The following RERE variants were observed in gnomAD, a reference collection of about 807,000 sequenced individuals.
The protein encoded by RERE is arginine-glutamic acid dipeptide repeats.
In RERE, 40 loss-of-function variants were observed where a neutral mutation model predicts 146.1. The ratio of observed to expected loss-of-function variants is 0.27; its 90% CI spans 0.21 to 0.36. The LOEUF is 0.36. Ranked by LOEUF, RERE falls within the 10% of genes least tolerant of loss-of-function variation. The pLI is 1.00. For synonymous variants in RERE, 1,003 were observed against 866.0 expected, an observed-to-expected ratio of 1.16 and a Z score of -2.78; for missense variants, 1,933 against 2,138.7, an observed-to-expected ratio of 0.90 and a Z score of 1.90.
intron 11 of RERE, among the ~76,000 whole-genome samples, chr1:8,445,891 TC>T: frequency 6.6e-6 from 1 of 151,342 alleles, no homozygotes; most frequent in African/African-American, 2.4e-5. Context: ...TTCTCACTGT[TC>T]AACTCCCACT....
intron 1 of RERE, among the ~76,000 whole-genome samples, chr1:8,783,146 C>A (rs2124562841): frequency 6.6e-6 from 1 of 152,218 alleles, no homozygotes; most frequent in Non-Finnish European, 1.5e-5. Context: ...CCAGCCTGGG[C>A]AACATAGTGA....
chr1:8,768,313 T>C (rs910639684), intron 1 of RERE, among the ~76,000 whole-genome samples: 2 of 152,244 alleles, frequency 1.3e-5, no homozygotes, highest in African/African-American at 4.8e-5. Flanking sequence ...AAAAACATTC[T>C]TTCCAGGAAA....
At chr1:8,724,405 C>T (rs935480826) in intron 1 of RERE, among the ~76,000 whole-genome samples, 5 of 152,122 alleles carry the variant, frequency 3.3e-5, no homozygotes, top group African/African-American at 1.2e-4. Flanking sequence ...GTAATACTGT[C>T]TATATCAATG....
intron 8 of RERE, among the ~76,000 whole-genome samples, chr1:8,507,370 G>T (rs1156370660): frequency 1.3e-5 from 2 of 152,224 alleles, no homozygotes; most frequent in Admixed American, 1.3e-4. Flanking sequence ...CCCTCTGACT[G>T]AAAAGTGTCC....
At chr1:8,521,865 G>A (rs1238858997) in intron 7 of RERE, among the ~76,000 whole-genome samples, 1 of 152,120 alleles carries the variant, frequency 6.6e-6, no homozygotes, top group Non-Finnish European at 1.5e-5. Context: ...ACTAGAAATG[G>A]AGACCGTAAG....
rs1570205994 is a variant in RERE at position 8,423,411 on chromosome 1, C to T, written c.1204-604G>A. 1 of 394,348 alleles carries T rather than the reference C, an allele frequency of 2.5e-6. No homozygotes were observed. Among genetic ancestry groups the T allele is most frequent in the Non-Finnish European group, 3.5e-6 (1 of 289,348 alleles). 24.4% of individuals were successfully genotyped at this position (394,348 alleles called of 1,614,324 possible). A position where few individuals can be genotyped will look rare whatever the true frequency, so the allele number is the denominator to read the frequency against. ...AGACACCAGAGAATAACCAGCACCC[C>T]TTCCGCCCTCCCGACGCCACTCGCC... On this transcript the variant is annotated intron_variant, in intron 11 of 22. Transcript: ENST00000400908. This position sits in a 1 kb window ranked among gnomAD's most constrained non-coding sequence, Gnocchi z 5.4.
chr1:8,480,128 G>GTT (rs112068785), intron 10 of RERE, among the ~76,000 whole-genome samples: 10 of 135,222 alleles, frequency 7.4e-5, no homozygotes, highest in South Asian at 2.2e-4. Flanking sequence ...GCCTTTTTTT[G>GTT]TTTTTTTTTT....
intron 12 of RERE, among the ~76,000 whole-genome samples, chr1:8,417,783 T>C (rs1007482836): frequency 9.2e-5 from 14 of 152,284 alleles, no homozygotes; most frequent in African/African-American, 3.4e-4. Flanking sequence ...GCAGCTATAA[T>C]TTGGGCCCAA....
intron 1 of RERE, among the ~76,000 whole-genome samples, chr1:8,677,146 T>C (rs1181037650): frequency 6.6e-6 from 1 of 152,040 alleles, no homozygotes; most frequent in Non-Finnish European, 1.5e-5. Flanking sequence ...GAAAAGTAAT[T>C]TGGCTGGGCA....
chr1:8,684,541 C>G (rs1639042168), intron 1 of RERE, among the ~76,000 whole-genome samples: 1 of 152,100 alleles, frequency 6.6e-6, no homozygotes, highest in Admixed American at 6.5e-5. Flanking sequence ...GGCTTAAAAC[C>G]AACATATTTC....
intron 7 of RERE, among the ~76,000 whole-genome samples, chr1:8,510,391 C>A (rs371334691): frequency 2.0e-5 from 3 of 152,146 alleles, no homozygotes; most frequent in African/African-American, 4.8e-5. Flanking sequence ...AAGGGAGGGG[C>A]GGTGACAGGG....
chr1:8,760,872 A>G (rs1640744473), intron 1 of RERE, among the ~76,000 whole-genome samples: 3 of 152,212 alleles, frequency 2.0e-5, no homozygotes, highest in African/African-American at 7.2e-5. Context: ...GCTACCATTT[A>G]TGGAGCACTT....
chr1:8,651,138 A>G (rs993872092), intron 2 of RERE, among the ~76,000 whole-genome samples: 3 of 151,976 alleles, frequency 2.0e-5, no homozygotes, highest in Non-Finnish European at 4.4e-5. Context: ...ATTTGGCCAG[A>G]TGCAGTGGCT....
chr1:8,587,966 G>T (rs1005697362), intron 4 of RERE, among the ~76,000 whole-genome samples: 2 of 152,170 alleles, frequency 1.3e-5, no homozygotes, highest in African/African-American at 2.4e-5. Context: ...AGTGTTACTC[G>T]CTTTGAAACA....
intron 12 of RERE, among the ~76,000 whole-genome samples, chr1:8,409,255 T>C (rs893289548): frequency 2.6e-5 from 4 of 152,138 alleles, no homozygotes; most frequent in African/African-American, 7.2e-5. Flanking sequence ...CCGACAATGG[T>C]TGTAAAGCTG....
intron 1 of RERE, among the ~76,000 whole-genome samples, chr1:8,739,858 A>G: frequency 6.7e-6 from 1 of 149,410 alleles, no homozygotes; most frequent in Admixed American, 6.7e-5. Flanking sequence ...AATTAATTAT[A>G]TTATATAATA....
intron 12 of RERE, among the ~76,000 whole-genome samples, chr1:8,390,243 C>G (rs1362263171): frequency 6.6e-6 from 1 of 152,132 alleles, no homozygotes; most frequent in Non-Finnish European, 1.5e-5. Flanking sequence ...AGCAGAGACC[C>G]CACTCCAGAC....
At chr1:8,421,828 A>C (rs1393231045) in intron 12 of RERE, among the ~76,000 whole-genome samples, 1 of 152,218 alleles carries the variant, frequency 6.6e-6, no homozygotes, top group Non-Finnish European at 1.5e-5. Flanking sequence ...AGGCAGATTA[A>C]ACATGGATCA....
At chr1:8,416,428 C>T (rs545806417) in intron 12 of RERE, among the ~76,000 whole-genome samples, 122 of 151,666 alleles carry the variant, frequency 8.0e-4, no homozygotes, top group Middle Eastern at 3.4e-3. Context: ...CTACTAAAAA[C>T]ACAAAAAATT....
Sources: allele counts gnomAD v4.1 joint callset (sites outside exome capture counted in the v4.1 genomes callset), GRCh38; gene constraint gnomAD v4.1.1; non-coding constraint Gnocchi (gnomAD v3.1); transcripts MANE v1.5; gene names NCBI Gene and HGNC (gene_info 2026-07-23, HGNC 2026-07-21).